PRKCE: variants seen among roughly 807,000 people sequenced by gnomAD.
PRKCE encodes protein kinase C epsilon.
A neutral mutation model predicts 85.4 loss-of-function variants in PRKCE; 16 were observed. That is an observed-to-expected ratio of 0.19 (90% CI 0.13 to 0.28). The LOEUF (loss-of-function observed/expected upper bound fraction) is 0.28, where lower values mean the gene tolerates loss of function less well. PRKCE is among the 10% of genes least tolerant of loss of function. PRKCE has a pLI of 1.00. For synonymous variants in PRKCE, 388 were observed against 371.5 expected (o/e 1.04, Z -0.51); for missense variants, 573 against 975.2 (o/e 0.59, Z 5.49).
chr2:45,753,130 G>C (rs1342724778), intron 1 of PRKCE, among the ~76,000 whole-genome samples: 1 of 152,140 alleles, frequency 6.6e-6, no homozygotes, highest in African/African-American at 2.4e-5. Context: ...GTGTTTAACA[G>C]GCTCAGGGTA....
chr2:45,972,395 A>AT (rs1702168740), intron 2 of PRKCE, among the ~76,000 whole-genome samples: 1 of 152,068 alleles, frequency 6.6e-6, no homozygotes, highest in African/African-American at 2.4e-5. Context: ...TTTGCAAATG[A>AT]TTTTTTTCCA....
intron 2 of PRKCE, among the ~76,000 whole-genome samples, chr2:45,953,942 T>C (rs1700802413): frequency 6.6e-6 from 1 of 152,168 alleles, no homozygotes; most frequent in South Asian, 2.1e-4. Flanking sequence ...TTCACAGAAG[T>C]GAATGGATTC....
At chr2:45,978,670 A>G in intron 3 of PRKCE, 1 of 322,248 alleles carries the variant, frequency 3.1e-6, no homozygotes, top group Non-Finnish European at 5.7e-6. Flanking sequence ...GCCTACCAGG[A>G]GCAAGCAGGG....
chr2:45,664,398 T>C (rs1266986134), intron 1 of PRKCE, among the ~76,000 whole-genome samples: 1 of 152,258 alleles, frequency 6.6e-6, no homozygotes, highest in African/African-American at 2.4e-5. Flanking sequence ...TTGCGATCAA[T>C]GGTTAACTAC....
rs191122324 is a variant in PRKCE at position 45,786,520 on chromosome 2, T to G, written c.349-56480T>G. On this transcript the variant is annotated intron_variant, in intron 1 of 14. Transcript: ENST00000306156. The surrounding 1 kb of genome is among the most constrained non-coding windows in gnomAD (Gnocchi z 5.3). ...TAGTTTCCATCTGCACACTACCTAA[T>G]TCACTTCAACAAGACCTGAAGCAGA... Among the ~76,000 whole-genome samples, 2 of 152,338 alleles carry G rather than the reference T, an allele frequency of 1.3e-5. No individual in the cohort carries two copies. Among genetic ancestry groups the G allele is most frequent in the Admixed American group, 1.3e-4 (2 of 15,306 alleles).
At chr2:46,101,352 A>G (rs987620695) in intron 11 of PRKCE, among the ~76,000 whole-genome samples, 6 of 152,210 alleles carry the variant, frequency 3.9e-5, no homozygotes, top group African/African-American at 1.4e-4. Context: ...AAGTCAAGGA[A>G]GGCTTTCTGG....
At chr2:45,659,078 A>T (rs552548848) in intron 1 of PRKCE, among the ~76,000 whole-genome samples, 5 of 152,336 alleles carry the variant, frequency 3.3e-5, no homozygotes, top group African/African-American at 7.2e-5. Flanking sequence ...TAAATTCCTA[A>T]TTCCAGCTCA....
chr2:45,816,021 C>A (rs1689011613), intron 1 of PRKCE, among the ~76,000 whole-genome samples: 1 of 152,208 alleles, frequency 6.6e-6, no homozygotes, highest in Non-Finnish European at 1.5e-5. Flanking sequence ...AGACACATCC[C>A]AAGTACATTT....
At chr2:46,128,394 T>A (rs1674082127) in intron 11 of PRKCE, among the ~76,000 whole-genome samples, 1 of 152,234 alleles carries the variant, frequency 6.6e-6, no homozygotes, top group African/African-American at 2.4e-5. Flanking sequence ...CAGGAACTGG[T>A]ATAAACCCTT....
chr2:46,177,535 A>G lies in PRKCE; in HGVS notation c.2068-7200A>G, dbSNP rs140712298. ...TGCCACACAGCTTCAGTCTTCACAC[A>G]TATGTCCCTGTGTCTCTTCCCTCTG... On this transcript the variant is annotated intron_variant, in intron 14 of 14. Transcript: ENST00000306156. Among the ~76,000 whole-genome samples, 858 of 152,158 alleles carry G rather than the reference A, an allele frequency of 5.6e-3. 11 individuals are homozygous for G. The highest frequency in any genetic ancestry group is 0.02 in the African/African-American group (816 of 41,504).
At chr2:45,934,533 C>T (rs907232634) in intron 2 of PRKCE, among the ~76,000 whole-genome samples, 7 of 151,836 alleles carry the variant, frequency 4.6e-5, no homozygotes, top group South Asian at 2.1e-4. Context: ...CCTGTAATTC[C>T]AGCTACTTGG....
At chr2:45,757,888 T>A (rs1454876662) in intron 1 of PRKCE, among the ~76,000 whole-genome samples, 2 of 151,820 alleles carry the variant, frequency 1.3e-5, no homozygotes, top group Admixed American at 1.3e-4. Flanking sequence ...TTGACGGAGG[T>A]TGATGCTGGC....
chr2:46,024,731 A>C (rs1011894388), intron 10 of PRKCE, among the ~76,000 whole-genome samples: 1 of 152,152 alleles, frequency 6.6e-6, no homozygotes, highest in African/African-American at 2.4e-5. Flanking sequence ...TTTTGTTCTC[A>C]GTGTTTCTTT....
At chr2:46,046,612 A>G (rs1708539235) in intron 10 of PRKCE, among the ~76,000 whole-genome samples, 1 of 152,198 alleles carries the variant, frequency 6.6e-6, no homozygotes, top group Non-Finnish European at 1.5e-5. Flanking sequence ...ACACGTTAAG[A>G]TGGCTTAATT....
At chr2:45,919,636 G>C (rs1045912811) in intron 2 of PRKCE, among the ~76,000 whole-genome samples, 45 of 152,354 alleles carry the variant, frequency 3.0e-4, no homozygotes, top group South Asian at 1.2e-3. Context: ...GGAGACAAAG[G>C]CCTCTGAAGA....
chr2:45,968,885 G>C (rs188794943), intron 2 of PRKCE, among the ~76,000 whole-genome samples: 135 of 152,068 alleles, frequency 8.9e-4, no homozygotes, highest in African/African-American at 3.0e-3. Flanking sequence ...CTGAGTCCCT[G>C]AGTGTTCCTG....
chr2:45,754,004 A>G (rs1410683705), intron 1 of PRKCE, among the ~76,000 whole-genome samples: 2 of 152,366 alleles, frequency 1.3e-5, no homozygotes, highest in East Asian at 3.9e-4. Context: ...TTGCAGTTGA[A>G]TGAGGAGATG....
At chr2:46,124,207 C>A (rs998915811) in intron 11 of PRKCE, among the ~76,000 whole-genome samples, 12 of 152,094 alleles carry the variant, frequency 7.9e-5, no homozygotes, top group African/African-American at 2.7e-4. Flanking sequence ...TGCCTGTAAT[C>A]CCAGATACTT....
chr2:45,943,223 A>G (rs2029087), intron 2 of PRKCE, among the ~76,000 whole-genome samples: 25,203 of 152,240 alleles, frequency 0.17, 2,836 homozygotes, highest in East Asian at 0.57. Flanking sequence ...ACAATTAAAT[A>G]TACTCCAAAG....
Sources: gnomAD v4.1 joint callset for allele counts (sites outside exome capture counted in the v4.1 genomes callset) on GRCh38, gnomAD v4.1.1 for gene constraint, Gnocchi (gnomAD v3.1) non-coding constraint, MANE v1.5 for transcripts, NCBI Gene and HGNC (gene_info 2026-07-23, HGNC 2026-07-21) for gene names.